The following FAM162B variants were observed in gnomAD, a reference collection of about 807,000 sequenced individuals.
The protein encoded by FAM162B is family with sequence similarity 162 member B, also known as protein FAM162B.
A neutral mutation model predicts 20.0 loss-of-function variants in FAM162B; 16 were observed. The observed-to-expected ratio is 0.80, with a 90% confidence interval of 0.54 to 1.21. The LOEUF is 1.21. Ranked by LOEUF, FAM162B falls within the 50% of genes most tolerant of loss-of-function variation. The pLI is 0.00. For synonymous variants in FAM162B, 83 were observed against 89.7 expected, an observed-to-expected ratio of 0.93 and a Z score of 0.42; for missense variants, 260 against 227.5, an observed-to-expected ratio of 1.14 and a Z score of -0.92.
Position 116,765,613 on chromosome 6 carries a change from G to T in FAM162B, c.-37C>A. On this transcript the variant is annotated 5_prime_UTR_variant, in exon 1 of 4. Coordinates refer to ENST00000368557, the MANE Select transcript of FAM162B (RefSeq NM_001085480.3). ...GTCCCGCGCCGCACCCGCACCTCCGGACCCAGCCACAGGCGTTGTCCCCGC... is the reference window on the plus strand; with the variant it reads ...GTCCCGCGCCGCACCCGCACCTCCGTACCCAGCCACAGGCGTTGTCCCCGC... The T allele has an allele frequency of 7.8e-7, 1 of 1,289,850 alleles. No individual in the cohort carries two copies. Among genetic ancestry groups the T allele is most frequent in the South Asian group, 2.8e-5 (1 of 35,616 alleles). The allele number at this position is 1,289,850 out of a possible 1,614,324, so 79.9% of individuals were successfully genotyped here.
rs147936966 is a variant in FAM162B, at chr6:116,753,809, C to G, written c.391-1114G>C. Among the ~76,000 whole-genome samples the G allele has an allele frequency of 6.0e-4, 91 of 152,276 alleles. 2 individuals carry two copies. The highest frequency in any genetic ancestry group is 5.5e-3 in the Admixed American group (84 of 15,280). On this transcript the variant is annotated intron_variant, in intron 3 of 3. Coordinates refer to ENST00000368557, the MANE Select transcript of FAM162B (RefSeq NM_001085480.3). ...AGCTAGAGAACGGAAAGACTAAAGA[C>G]TGATCCATGGGGAGATTCCACTGTT...
intron 3 of FAM162B, 77 bp from the exon 4 acceptor site, chr6:116,752,772 A>G (rs1780008048): frequency 2.4e-6 from 1 of 410,060 alleles, no homozygotes; most frequent in South Asian, 8.4e-5. Flanking sequence ...ATATGTATAT[A>G]TATCTCACTG....
At chr6:116,758,900 C>T (rs1780084433) in intron 3 of FAM162B, among the ~76,000 whole-genome samples, 1 of 152,082 alleles carries the variant, frequency 6.6e-6, no homozygotes, top group African/African-American at 2.4e-5. Context: ...ATTTGTATGT[C>T]AGTACTGCAG....
Position 116,765,185 on chromosome 6 carries a change from C to T in FAM162B, c.243G>A (p.Gly81=). 6.2e-7 allele frequency: 1 copy of T among 1,613,930 alleles called. No homozygotes were observed. Among genetic ancestry groups the T allele is most frequent in the African/African-American group, 1.3e-5 (1 of 75,060 alleles). Reference sequence around the variant, plus strand: ...GGATCTCCTCCATCGATTTGAAACGCCCTGTCCACAGCAGGATTTTCTTGT... The same window carrying T: ...GGATCTCCTCCATCGATTTGAAACGTCCTGTCCACAGCAGGATTTTCTTGT... The part of the protein sequence containing the change: ...QFDKKILLWT[G]RFKSMEEIPP... Residue 81 remains glycine (G), a synonymous_variant, in exon 2 of 4, where the codon GGG becomes GGA. Transcript: ENST00000368557.
intron 3 of FAM162B, among the ~76,000 whole-genome samples, chr6:116,761,740 A>G (rs1274266480): frequency 6.8e-6 from 1 of 147,030 alleles, no homozygotes; most frequent in African/African-American, 2.5e-5. Context: ...ATATACACAC[A>G]CACACACACA....
intron 3 of FAM162B, among the ~76,000 whole-genome samples, chr6:116,754,878 G>A (rs1780035682): frequency 6.6e-6 from 1 of 152,006 alleles, no homozygotes; most frequent in African/African-American, 2.4e-5. Flanking sequence ...ATCAGTGATT[G>A]CTGTTGTTAC....
At chr6:116,765,092 C>T (rs904044106) in intron 2 of FAM162B, 55 bp downstream of exon 2, 53 of 1,574,834 alleles carry the variant, frequency 3.4e-5, no homozygotes, top group Middle Eastern at 3.3e-4. Context: ...TGGGTCACCC[C>T]GCACCCTTGC....
intron 3 of FAM162B, among the ~76,000 whole-genome samples, chr6:116,753,099 CT>C (rs1780011196): frequency 6.6e-6 from 1 of 152,034 alleles, no homozygotes; most frequent in Non-Finnish European, 1.5e-5. Flanking sequence ...GCCTACCAGT[CT>C]TTCCCTAGCC....
At chr6:116,756,239 G>A (rs878910722) in intron 3 of FAM162B, among the ~76,000 whole-genome samples, 1 of 152,106 alleles carries the variant, frequency 6.6e-6, no homozygotes, top group South Asian at 2.1e-4. Flanking sequence ...ATAGGAGTTC[G>A]GACGAAGCTG....
intron 3 of FAM162B, among the ~76,000 whole-genome samples, chr6:116,758,617 T>G (rs1780080507): frequency 6.6e-6 from 1 of 152,170 alleles, no homozygotes; most frequent in Admixed American, 6.5e-5. Context: ...AGCTTCTCAG[T>G]TTTGTTCTAT....
At chr6:116,761,603 A>AT (rs1271768643) in intron 3 of FAM162B, among the ~76,000 whole-genome samples, 6 of 147,536 alleles carry the variant, frequency 4.1e-5, no homozygotes, top group African/African-American at 1.2e-4. Flanking sequence ...TATCTCCAGT[A>AT]TTTTTTATAT....
chr6:116,753,321 T>C (rs1400874400), intron 3 of FAM162B, among the ~76,000 whole-genome samples: 1 of 152,172 alleles, frequency 6.6e-6, no homozygotes, highest in Non-Finnish European at 1.5e-5. Context: ...ACATGCATTG[T>C]TATTAAAAAT....
chr6:116,757,771 G>A (rs964468279), intron 3 of FAM162B, among the ~76,000 whole-genome samples: 35 of 127,964 alleles, frequency 2.7e-4, no homozygotes, highest in African/African-American at 8.9e-4. Context: ...AAAAAAAAAA[G>A]GGGTGGGGTG....
rs1395510963 is a variant in FAM162B, at chr6:116,765,567, C to T, written c.10G>A (p.Ala4Thr). 7.4e-7 allele frequency: 1 copy of T among 1,355,528 alleles called. No individual in the cohort carries two copies. Among genetic ancestry groups the T allele is most frequent in the South Asian group, 2.0e-5 (1 of 49,758 alleles). The allele number at this position is 1,355,528 out of a possible 1,614,324, so 84.0% of individuals were successfully genotyped here. MLRAVGSLLRLGRG... is the reference protein window; with the variant it reads MLRTVGSLLRLGRG... ...CCAAGGCGCAGTAGGCTCCCGACCG[C>T]CCTGAGCATGCTGCCCGCTTGTCCC... Residue 4 changes from alanine to threonine, a missense_variant, in exon 1 of 4, where the codon GCG becomes ACG. Physicochemically the swap from Ala to Thr is moderately conservative, Grantham distance 58 (BLOSUM62 0). Coordinates refer to ENST00000368557, the MANE Select transcript of FAM162B (RefSeq NM_001085480.3).
chr6:116,764,953 T>C (rs1771879455), intron 2 of FAM162B, among the ~76,000 whole-genome samples, 194 bp downstream of exon 2: 2 of 152,146 alleles, frequency 1.3e-5, no homozygotes, highest in Admixed American at 1.3e-4. Context: ...CCCTGTAAGC[T>C]TAATTGACTC....
At chr6:116,757,937 GA>G (rs1286755605) in intron 3 of FAM162B, among the ~76,000 whole-genome samples, 1 of 152,126 alleles carries the variant, frequency 6.6e-6, no homozygotes, top group African/African-American at 2.4e-5. Context: ...CAGGTCTACT[GA>G]AAAGGTTTGC....
At chr6:116,760,603 A>G (rs1415828438) in intron 3 of FAM162B, among the ~76,000 whole-genome samples, 3 of 152,224 alleles carry the variant, frequency 2.0e-5, no homozygotes, top group African/African-American at 4.8e-5. Flanking sequence ...AATCATCAAA[A>G]TATTCCTAGA....
intron 3 of FAM162B, among the ~76,000 whole-genome samples, chr6:116,753,739 G>A (rs1780020381): frequency 6.6e-6 from 1 of 152,184 alleles, no homozygotes; most frequent in South Asian, 2.1e-4. Flanking sequence ...TATAGAAGGT[G>A]TTTAAATCCA....
intron 2 of FAM162B, among the ~76,000 whole-genome samples, chr6:116,762,737 A>G (rs1464979510): frequency 6.6e-6 from 1 of 152,142 alleles, no homozygotes; most frequent in African/African-American, 2.4e-5. Flanking sequence ...GAAATTTGAT[A>G]TACTTAAATT....
Sources: allele counts gnomAD v4.1 joint callset (sites outside exome capture counted in the v4.1 genomes callset), GRCh38; gene constraint gnomAD v4.1.1; transcripts MANE v1.5; gene names NCBI Gene and HGNC (gene_info 2026-07-23, HGNC 2026-07-21).